PARP4: variants seen among roughly 807,000 people sequenced by gnomAD.
PARP4 encodes the protein poly(ADP-ribose) polymerase family member 4.
In PARP4, 120 loss-of-function variants were observed where a neutral mutation model predicts 187.7. That is an observed-to-expected ratio of 0.64 (90% CI 0.55 to 0.74). The LOEUF (loss-of-function observed/expected upper bound fraction) is 0.74, where lower values mean the gene tolerates loss of function less well. PARP4 is among the 30% of genes least tolerant of loss of function. The pLI is 0.00. For synonymous variants in PARP4, 654 were observed against 740.9 expected, an observed-to-expected ratio of 0.88 and a Z score of 1.90; for missense variants, 1,836 against 2,070.5, an observed-to-expected ratio of 0.89 and a Z score of 2.20.
chr13:24,506,690 G>A (rs1869706979), intron 1 of PARP4, among the ~76,000 whole-genome samples: 1 of 152,170 alleles, frequency 6.6e-6, no homozygotes, highest in Non-Finnish European at 1.5e-5. Flanking sequence ...CTGGTGTATT[G>A]ACAATCCCTT....
At chr13:24,471,199 G>A (rs1872716994) in intron 15 of PARP4, among the ~76,000 whole-genome samples, 1 of 152,170 alleles carries the variant, frequency 6.6e-6, no homozygotes, top group South Asian at 2.1e-4. Context: ...TCAGTTTTAC[G>A]AAACCCTCAA....
At position 24,501,831 on chromosome 13, in the gene PARP4, T is replaced by C; in HGVS notation, c.136A>G (p.Thr46Ala). The C allele has an allele frequency of 1.3e-6, 2 of 1,589,188 alleles. No homozygotes were observed. The highest frequency in any genetic ancestry group is 2.2e-5 in the East Asian group (1 of 44,736). The change falls in exon 3 of 34, where the codon ACA becomes GCA. Residue 46 changes from threonine to alanine, a missense_variant. Around this residue, in one of 8 missense-constraint regions of PARP4, gnomAD observed 1,147 missense variants for 1,214.2 expected, o/e 0.94. Transcript: ENST00000381989. Reference sequence around the variant, plus strand: ...TCAGCATTATCTAAGATTATATGTGTGCACTAAGGAAAAAAAGAGTCAATC... The same window carrying C: ...TCAGCATTATCTAAGATTATATGTGCGCACTAAGGAAAAAAAGAGTCAATC... ...KFSFSLNPQC[T>A]HIILDNADVL...
Position 24,459,111 on chromosome 13 carries a change from G to C in PARP4, c.2357C>G (p.Thr786Ser), listed in dbSNP as rs150194142. The C allele has an allele frequency of 2.5e-4, 406 of 1,606,542 alleles. 1 individual carries two copies. The African/African-American group carries it at 4.7e-3, about 18-fold the overall frequency. The change falls in exon 20 of 34, where the codon ACT (threonine) becomes AGT (serine). Residue 786 changes from threonine to serine, a missense_variant. This residue lies in a region of PARP4 where 1,147 missense variants were observed against 1,214.2 expected (regional missense o/e 0.94). Transcript: ENST00000381989. ...EIGTKQSFSL[T>S]MSIEMPYVIE... ...CACATACGGCATCTCAATAGACATA[G>C]TCAAAGAGAAGCTAGCAAAAATGAA...
intron 21 of PARP4, among the ~76,000 whole-genome samples, chr13:24,455,494 T>C (rs1565999120): frequency 2.9e-5 from 4 of 139,080 alleles, no homozygotes; most frequent in Middle Eastern, 7.5e-3. Context: ...TATATATATA[T>C]ATATATATAT....
chr13:24,508,216 T>C (rs1869813904), intron 1 of PARP4, among the ~76,000 whole-genome samples: 2 of 152,268 alleles, frequency 1.3e-5, no homozygotes, highest in Non-Finnish European at 2.9e-5. Flanking sequence ...TTAATGACTC[T>C]TTAATAATTT....
rs200016486 is a variant in PARP4 at position 24,455,116 on chromosome 13, T to C, written c.2659A>G (p.Met887Val). The change falls in exon 22 of 34, where the codon ATG (methionine) becomes GTG (valine). Residue 887 changes from methionine to valine, a missense_variant. By Grantham distance (21) the Met-to-Val change is conservative. Transcript: ENST00000381989. ...GCTTGCAAGAATGTCACACCCTCCATGGAACTGGAGCAGTCAAGACAAATA... is the reference window on the plus strand; with the variant it reads ...GCTTGCAAGAATGTCACACCCTCCACGGAACTGGAGCAGTCAAGACAAATA... The part of the protein sequence containing the change: ...VIICLDCSSS[M>V]EGVTFLQAKQ... The C allele has an allele frequency of 3.1e-6, 5 of 1,613,308 alleles. No homozygotes were observed. The highest frequency in any genetic ancestry group is 3.3e-5 in the Admixed American group (2 of 60,002).
chr13:24,424,542 T>A (rs1258065633), intron 33 of PARP4, among the ~76,000 whole-genome samples: 6 of 152,202 alleles, frequency 3.9e-5, no homozygotes, highest in African/African-American at 7.2e-5. Context: ...TCTAACAATA[T>A]TAATATCTAC....
chr13:24,423,536 AT>A (rs1869860250), intron 33 of PARP4, among the ~76,000 whole-genome samples: 1 of 151,532 alleles, frequency 6.6e-6, no homozygotes, highest in African/African-American at 2.4e-5. Flanking sequence ...GCCTCAAAAA[AT>A]AAATAAATAA....
At chr13:24,486,738 G>A (rs1281853541) in intron 10 of PARP4, among the ~76,000 whole-genome samples, 1 of 152,132 alleles carries the variant, frequency 6.6e-6, no homozygotes, top group African/African-American at 2.4e-5. Flanking sequence ...GATCACTGGA[G>A]CCCAGAAGTT....
intron 1 of PARP4, among the ~76,000 whole-genome samples, chr13:24,506,706 G>A (rs759916344): frequency 6.6e-6 from 1 of 152,210 alleles, no homozygotes; most frequent in Admixed American, 6.5e-5. Flanking sequence ...CCCTTAGCTA[G>A]ACATAAAGTT....
chr13:24,478,034 C>T (rs933028813), intron 13 of PARP4, 59 bp downstream of exon 13: 1 of 1,345,862 alleles, frequency 7.4e-7, no homozygotes, highest in African/African-American at 1.5e-5. Flanking sequence ...GAGCAAAAAA[C>T]TAAGGCCTTT....
intron 1 of PARP4, among the ~76,000 whole-genome samples, chr13:24,504,920 CCT>C (rs769179263): frequency 2.0e-5 from 3 of 151,470 alleles, no homozygotes; most frequent in Non-Finnish European, 2.9e-5. Context: ...GTCTTGAACT[CCT>C]GACCTCAAGT....
At chr13:24,435,499 C>A in intron 30 of PARP4, 25 bp from the exon 31 acceptor site, 2 of 1,541,078 alleles carry the variant, frequency 1.3e-6, no homozygotes, top group Middle Eastern at 4.8e-4. Context: ...GAATTATTAA[C>A]GTAAGGGGAA....
At chr13:24,465,780 AAAAAG>A (rs1178238579) in intron 17 of PARP4, among the ~76,000 whole-genome samples, 1 of 152,242 alleles carries the variant, frequency 6.6e-6, no homozygotes, top group African/African-American at 2.4e-5. Context: ...TTTAAAAAAA[AAAAAG>A]ATAGTTGAAT....
chr13:24,425,016 C>A (rs978031046), intron 33 of PARP4, among the ~76,000 whole-genome samples: 6 of 152,050 alleles, frequency 3.9e-5, no homozygotes, highest in African/African-American at 1.4e-4. Flanking sequence ...TAAATTAATT[C>A]CCAGGATGGG....
chr13:24,452,952 T>G (rs1029378775), intron 23 of PARP4, among the ~76,000 whole-genome samples: 1 of 151,948 alleles, frequency 6.6e-6, no homozygotes, highest in Non-Finnish European at 1.5e-5. Context: ...TTTTTTTCTT[T>G]GAGATGGAGT....
intron 17 of PARP4, among the ~76,000 whole-genome samples, chr13:24,461,883 G>C (rs753063303): frequency 6.6e-6 from 1 of 152,168 alleles, no homozygotes; most frequent in Non-Finnish European, 1.5e-5. Context: ...CACTGCTTTA[G>C]AGAGAAACAG....
At chr13:24,450,126 A>T (rs1871433138) in intron 24 of PARP4, among the ~76,000 whole-genome samples, 1 of 152,178 alleles carries the variant, frequency 6.6e-6, no homozygotes, top group African/African-American at 2.4e-5. Context: ...AGGTATCAGA[A>T]TGCTGACAAA....
Position 24,435,410 on chromosome 13 carries a change from G to T in PARP4, c.3731C>A (p.Pro1244Gln), listed in dbSNP as rs1472089724. ...RLSKRKHRKI[P>Q]FSKRKMELSQ... ...TAATTCCATTTTTCTTTTGGAAAAT[G>T]GAATTTTCCTATGTTTTCGTTTGGA... is the stretch of plus-strand genomic sequence containing the variant. Residue 1244 changes from proline to glutamine, a missense_variant, in exon 31 of 34, where the codon CCA becomes CAA. Physicochemically the swap from Pro to Gln is moderately conservative, Grantham distance 76. Coordinates refer to ENST00000381989, the MANE Select transcript of PARP4 (RefSeq NM_006437.4). The T allele has an allele frequency of 1.9e-6, 3 of 1,611,368 alleles. No homozygotes were observed. The highest frequency in any genetic ancestry group is 2.2e-5 in the South Asian group (2 of 90,764).
Sources: gnomAD v4.1 joint callset for allele counts (sites outside exome capture counted in the v4.1 genomes callset) on GRCh38, gnomAD v4.1.1 for gene constraint, gnomAD v4.1.1 regional missense constraint, MANE v1.5 for transcripts, NCBI Gene and HGNC (gene_info 2026-07-23, HGNC 2026-07-21) for gene names.